SFMBT2: variants seen among roughly 807,000 people sequenced by gnomAD.
SFMBT2 encodes scm-like with four MBT domains protein 2.
SFMBT2 carries 38 observed loss-of-function variants against 110.1 expected under a neutral mutation model. The observed-to-expected ratio is 0.35, with a 90% CI of 0.27 to 0.45. The LOEUF (loss-of-function observed/expected upper bound fraction) is 0.45. Among genes scored for constraint, SFMBT2 ranks in the 20% least tolerant of loss-of-function variants. The pLI is 1.00. For missense variants in SFMBT2, 1,011 were observed against 1,094.9 expected, an observed-to-expected ratio of 0.92 and a Z score of 1.08; for synonymous variants, 425 against 425.4, an observed-to-expected ratio of 1.00 and a Z score of 0.01.
At chr10:7,400,546 C>A (rs891619203) in intron 1 of SFMBT2, among the ~76,000 whole-genome samples, 1 of 152,162 alleles carries the variant, frequency 6.6e-6, no homozygotes, top group African/African-American at 2.4e-5. Flanking sequence ...TGGCATCCAG[C>A]GGTTGGCATC....
At chr10:7,205,691 T>C in intron 12 of SFMBT2, 124 bp downstream of exon 12, 1 of 1,420,396 alleles carries the variant, frequency 7.0e-7, no homozygotes, top group Non-Finnish European at 9.3e-7. Context: ...ACATGGGTTC[T>C]TGGTGGAAAA....
chr10:7,159,020 A>T lies in SFMBT2; in HGVS notation c.*4750T>A, dbSNP rs898056616. The T allele has an allele frequency of 6.6e-6, 1 of 152,152 alleles. No individual in the cohort carries two copies. Among genetic ancestry groups the T allele is most frequent in the African/African-American group, 2.4e-5 (1 of 41,434 alleles). 9.4% of individuals were successfully genotyped at this position (152,152 alleles called of 1,614,324 possible). A position where few individuals can be genotyped will look rare whatever the true frequency, so the allele number is the denominator to read the frequency against. On this transcript the variant is annotated 3_prime_UTR_variant, in exon 21 of 21. Transcript: ENST00000397167. ...TTATCTTTTTCTGTCATTTAAAAAAATTTGCCTCAAATTTTTCATCCTAAG... is the reference window on the plus strand; with the variant it reads ...TTATCTTTTTCTGTCATTTAAAAAATTTTGCCTCAAATTTTTCATCCTAAG...
chr10:7,194,474 C>G (rs140332120), intron 15 of SFMBT2, among the ~76,000 whole-genome samples: 1 of 152,176 alleles, frequency 6.6e-6, no homozygotes. Flanking sequence ...TCTGGCAGAA[C>G]AGATCAGGGT....
intron 4 of SFMBT2, among the ~76,000 whole-genome samples, chr10:7,342,504 G>A (rs1053944324): frequency 6.8e-6 from 1 of 147,342 alleles, no homozygotes; most frequent in Non-Finnish European, 1.5e-5. Flanking sequence ...CGCCTCCCGG[G>A]TTCATGCCAT....
chr10:7,316,151 A>G (rs1396822237), intron 4 of SFMBT2, among the ~76,000 whole-genome samples: 1 of 152,190 alleles, frequency 6.6e-6, no homozygotes, highest in Non-Finnish European at 1.5e-5. Flanking sequence ...TGTTTATGCA[A>G]TGTTCTAATT....
chr10:7,177,277 A>G (rs1472613545), intron 16 of SFMBT2, among the ~76,000 whole-genome samples: 1 of 152,152 alleles, frequency 6.6e-6, no homozygotes. Flanking sequence ...TTCTTATTAG[A>G]CTGAGGTCTT....
chr10:7,296,740 G>A (rs11255073), intron 4 of SFMBT2, among the ~76,000 whole-genome samples: 59,467 of 152,106 alleles, frequency 0.39, 12,462 homozygotes, highest in East Asian at 0.75. Context: ...ATTTTTCTGG[G>A]AGGGTGATTT....
chr10:7,366,511 A>T (rs1253150424), intron 4 of SFMBT2, among the ~76,000 whole-genome samples: 3 of 152,140 alleles, frequency 2.0e-5, no homozygotes, highest in Non-Finnish European at 2.9e-5. Flanking sequence ...AACAGAATGA[A>T]CCTGGGGATT....
At chr10:7,305,164 C>T (rs1190347893) in intron 4 of SFMBT2, among the ~76,000 whole-genome samples, 1 of 152,194 alleles carries the variant, frequency 6.6e-6, no homozygotes, top group Non-Finnish European at 1.5e-5. Flanking sequence ...ATTACTGAAT[C>T]TCAAAAATAA....
intron 17 of SFMBT2, among the ~76,000 whole-genome samples, chr10:7,173,322 C>G (rs2131533959): frequency 6.6e-6 from 1 of 152,306 alleles, no homozygotes; most frequent in South Asian, 2.1e-4. Context: ...CACCTGCTCC[C>G]AAGTCTGAAT....
At chr10:7,402,212 T>A (rs1846100579) in intron 1 of SFMBT2, among the ~76,000 whole-genome samples, 1 of 152,068 alleles carries the variant, frequency 6.6e-6, no homozygotes, top group African/African-American at 2.4e-5. Flanking sequence ...CCTCTATAGT[T>A]GTGAAGTGTG....
chr10:7,228,741 TC>T (rs1564395458), intron 9 of SFMBT2, among the ~76,000 whole-genome samples: 1 of 30,830 alleles, frequency 3.2e-5, no homozygotes, highest in Non-Finnish European at 7.4e-5. Context: ...CTTTCCTTTC[TC>T]TCTCTCTCTC....
chr10:7,174,770 C>T (rs1837997768), intron 17 of SFMBT2, among the ~76,000 whole-genome samples: 1 of 152,188 alleles, frequency 6.6e-6, no homozygotes, highest in Non-Finnish European at 1.5e-5. Flanking sequence ...AAGCCCTCCC[C>T]TGGAAAAAGG....
At chr10:7,270,346 T>C (rs937650525) in intron 7 of SFMBT2, among the ~76,000 whole-genome samples, 12 of 152,300 alleles carry the variant, frequency 7.9e-5, no homozygotes, top group Admixed American at 5.9e-4. Context: ...TCCAGAAGCA[T>C]GAGAGAACAA....
chr10:7,405,959 T>A (rs1303365832), intron 1 of SFMBT2, among the ~76,000 whole-genome samples: 1 of 151,894 alleles, frequency 6.6e-6, no homozygotes, highest in Non-Finnish European at 1.5e-5. Flanking sequence ...TTTTTTTTTT[T>A]TTAATTTGTA....
At chr10:7,201,165 C>T (rs117585411) in intron 13 of SFMBT2, among the ~76,000 whole-genome samples, 25 of 152,330 alleles carry the variant, frequency 1.6e-4, no homozygotes, top group Middle Eastern at 3.4e-3. Context: ...CAAAGTCAAC[C>T]CTTACAAGAG....
chr10:7,247,488 T>C (rs1182906756), intron 8 of SFMBT2, among the ~76,000 whole-genome samples: 1 of 152,194 alleles, frequency 6.6e-6, no homozygotes, highest in Non-Finnish European at 1.5e-5. Flanking sequence ...AGAAAAAACA[T>C]TTAGAAAGCA....
chr10:7,234,059 A>G (rs888280774), intron 9 of SFMBT2, among the ~76,000 whole-genome samples: 1 of 152,248 alleles, frequency 6.6e-6, no homozygotes. Context: ...CTAAAAAACT[A>G]CAACCTCCCT....
In SFMBT2 at chr10:7,321,362, C is replaced by A. The variant is rs947444203; in HGVS notation, c.437-35408G>T. On this transcript the variant is annotated intron_variant, in intron 4 of 20. Coordinates refer to ENST00000397167, the MANE Select transcript of SFMBT2 (RefSeq NM_001387889.1). ...GACTACAGGCGCCCGCCAACACGCC[C>A]GGCTAATTTTTTGTGTTCTTAGTAG... 1.3e-4 allele frequency among the ~76,000 whole-genome samples: 20 copies of A among 152,208 alleles called. No homozygotes were observed. In the East Asian group the frequency reaches 3.7e-3, roughly 28 times the overall value.
Sources: allele counts gnomAD v4.1 joint callset (sites outside exome capture counted in the v4.1 genomes callset), GRCh38; gene constraint gnomAD v4.1.1; transcripts MANE v1.5; gene names NCBI Gene and HGNC (gene_info 2026-07-23, HGNC 2026-07-21).